GGTA1: variants seen among roughly 807,000 people sequenced by gnomAD.
The protein encoded by GGTA1 is glycoprotein alpha-galactosyltransferase 1 (inactive).
A neutral mutation model predicts 2.6 loss-of-function variants in GGTA1; 5 were observed. The observed-to-expected ratio is 1.92, with a 90% CI of 1.00 to 4.04. GGTA1 has a LOEUF of 4.04. Ranked by LOEUF, GGTA1 falls within the 30% of genes most tolerant of loss-of-function variation. The pLI is 0.00. For missense variants in GGTA1, 50 were observed against 16.7 expected, an observed-to-expected ratio of 2.99 and a Z score of -3.47; for synonymous variants, 17 against 5.0, an observed-to-expected ratio of 3.38 and a Z score of -3.19.
At chr9:121,463,378 GAA>G (rs1301528523) in intron 2 of GGTA1, 50 bp from the exon 3 acceptor site, 1 of 446,814 alleles carries the variant, frequency 2.2e-6, no homozygotes, top group Non-Finnish European at 4.5e-6. Flanking sequence ...TTAATTCTGA[GAA>G]AGGCGATTTT....
chr9:121,456,890 T>G (rs898128564), intron 5 of GGTA1, among the ~76,000 whole-genome samples: 3 of 152,186 alleles, frequency 2.0e-5, no homozygotes, highest in Admixed American at 2.0e-4. Flanking sequence ...CAGGCTAGTC[T>G]TGAACTTCTG....
intron 1 of GGTA1, among the ~76,000 whole-genome samples, chr9:121,481,368 G>A (rs1313673335): frequency 6.6e-6 from 1 of 151,934 alleles, no homozygotes; most frequent in Non-Finnish European, 1.5e-5. Context: ...CACACTGGAT[G>A]ATTCCATTTA....
At position 121,494,922 on chromosome 9, in the gene GGTA1, C is replaced by CTTTTT. The variant is rs66772492; in HGVS notation, c.-10+4723_-10+4727dup. The CTTTTT allele has an allele frequency of 9.8e-4, 112 of 114,058 alleles. 5 individuals carry two copies. The highest frequency in any genetic ancestry group is 3.1e-3 in the East Asian group (12 of 3,822). 7.1% of individuals were successfully genotyped at this position (114,058 alleles called of 1,614,324 possible). A position where few individuals can be genotyped will look rare whatever the true frequency, so the allele number is the denominator to read the frequency against. On this transcript the variant is annotated intron_variant, in intron 1 of 5. Coordinates refer to ENST00000481799, the MANE Select transcript of GGTA1 (RefSeq NM_001382585.1). ...GCGCATGGACCAAATCTACATCATT[C>CTTTTT]TTTTTTTTTTTTTTTTTTTTGAGAC...
chr9:121,474,829 T>TTTCCGCAGG (rs1343178564), intron 1 of GGTA1, among the ~76,000 whole-genome samples: 1 of 147,994 alleles, frequency 6.8e-6, no homozygotes, highest in Non-Finnish European at 1.5e-5. Context: ...AACCAAGCCT[T>TTTCCGCAGG]CTCCGCAGGC....
chr9:121,474,537 A>G (rs1332788057), intron 1 of GGTA1, among the ~76,000 whole-genome samples: 1 of 152,058 alleles, frequency 6.6e-6, no homozygotes, highest in African/African-American at 2.4e-5. Context: ...CATATGGCCT[A>G]TAAGTGAATT....
intron 1 of GGTA1, among the ~76,000 whole-genome samples, chr9:121,477,340 C>G (rs1456513547): frequency 1.3e-5 from 2 of 152,194 alleles, no homozygotes; most frequent in African/African-American, 4.8e-5. Flanking sequence ...TTCTAGAAAA[C>G]TGTTGTCAGA....
chr9:121,485,551 T>C (rs1407022795), intron 1 of GGTA1, among the ~76,000 whole-genome samples: 1 of 152,182 alleles, frequency 6.6e-6, no homozygotes, highest in Non-Finnish European at 1.5e-5. Flanking sequence ...TAGTCAGTGC[T>C]GAGTGGATGG....
intron 1 of GGTA1, among the ~76,000 whole-genome samples, chr9:121,497,896 A>G (rs1355828861): frequency 6.6e-6 from 1 of 152,030 alleles, no homozygotes; most frequent in East Asian, 1.9e-4. Flanking sequence ...AGCTGGGGAA[A>G]TGGCTGCTCA....
rs573726998 is a variant in GGTA1, at chr9:121,460,089, C to T, written c.298+15G>A. 3.4e-4 allele frequency: 153 copies of T among 456,586 alleles called. 2 individuals are homozygous for T. In the Admixed American group the frequency reaches 3.4e-3, roughly 10 times the overall value. The allele number at this position is 456,586 out of a possible 1,614,324, so 28.3% of individuals were successfully genotyped here. ...CATGGATTTGCTGCACAGGGAGTGA[C>T]GCCGCTTTTCTTACTTTGGATTAAA... On this transcript the variant is annotated intron_variant, in intron 5 of 5. Coordinates refer to ENST00000481799, the MANE Select transcript of GGTA1 (RefSeq NM_001382585.1).
intron 1 of GGTA1, among the ~76,000 whole-genome samples, chr9:121,482,083 T>C (rs1042777833): frequency 3.3e-5 from 5 of 151,722 alleles, no homozygotes; most frequent in African/African-American, 1.2e-4. Flanking sequence ...CTTTCCCCGC[T>C]AGGGCCACAG....
intron 5 of GGTA1, among the ~76,000 whole-genome samples, chr9:121,458,533 G>T (rs907898233): frequency 1.4e-4 from 22 of 151,872 alleles, no homozygotes; most frequent in Middle Eastern, 3.4e-3. Flanking sequence ...AGGCTGAGGC[G>T]GGAGGATCAC....
chr9:121,496,473 G>T (rs181300743), intron 1 of GGTA1, among the ~76,000 whole-genome samples: 76 of 152,100 alleles, frequency 5.0e-4, no homozygotes, highest in Non-Finnish European at 9.1e-4. Flanking sequence ...GCTCACACCT[G>T]CAATCCCATC....
intron 1 of GGTA1, among the ~76,000 whole-genome samples, chr9:121,487,905 G>T (rs1175272560): frequency 6.6e-6 from 1 of 151,960 alleles, no homozygotes; most frequent in East Asian, 2.0e-4. Context: ...TAGCAGAGAT[G>T]GTGTTTCACC....
chr9:121,463,313 G>T lies in GGTA1; in HGVS notation c.96C>A (p.Phe32Leu). 1 of 452,148 alleles carries T rather than the reference G, an allele frequency of 2.2e-6. No individual in the cohort carries two copies. Among genetic ancestry groups the T allele is most frequent in the South Asian group, 1.6e-5 (1 of 63,410 alleles). The allele number at this position is 452,148 out of a possible 1,614,324, so 28.0% of individuals were successfully genotyped here. ...WEFINSTEGS[F>L]LWIYHSKNPE... ...CTTACTTTGAGTGATATATCCACAA[G>T]AAAGAGCCTTCTGTGCTAAAAGCAA... Residue 32 changes from phenylalanine (F) to leucine (L), a missense_variant, in exon 3 of 6, where the codon TTC becomes TTA. Phe to Leu is a conservative substitution (Grantham distance 22, BLOSUM62 0). Transcript: ENST00000481799.
chr9:121,479,242 C>T (rs1373460084), intron 1 of GGTA1: 2 of 395,418 alleles, frequency 5.1e-6, no homozygotes, highest in South Asian at 1.8e-5. Context: ...CGCTTTCACC[C>T]CAGAGTAAAA....
rs114060696 is a variant in GGTA1 at position 121,474,961 on chromosome 9, C to T, written c.-9-7030G>A. Among the ~76,000 whole-genome samples, 706 of 152,250 alleles carry T rather than the reference C, an allele frequency of 4.6e-3. 6 individuals are homozygous for T. The highest frequency in any genetic ancestry group is 0.016 in the African/African-American group (664 of 41,550). On this transcript the variant is annotated intron_variant, in intron 1 of 5. Coordinates refer to ENST00000481799, the MANE Select transcript of GGTA1 (RefSeq NM_001382585.1). ...GGGTCCAGACTGGCACAGGCCCTGGCTCCCAGTAGGAGCATCCCAAGTGTC... is the reference window on the plus strand; with the variant it reads ...GGGTCCAGACTGGCACAGGCCCTGGTTCCCAGTAGGAGCATCCCAAGTGTC...
chr9:121,472,651 G>C (rs2118709466), intron 1 of GGTA1, among the ~76,000 whole-genome samples: 1 of 152,338 alleles, frequency 6.6e-6, no homozygotes, highest in South Asian at 2.1e-4. Flanking sequence ...TCAGAAGTGG[G>C]ATGTGACTTT....
chr9:121,484,530 T>G (rs1298665146), intron 1 of GGTA1, among the ~76,000 whole-genome samples: 1 of 152,164 alleles, frequency 6.6e-6, no homozygotes, highest in African/African-American at 2.4e-5. Context: ...GTGATCCACC[T>G]GCCTCAGCCT....
chr9:121,478,609 G>T (rs1015006814), intron 1 of GGTA1, among the ~76,000 whole-genome samples: 4 of 152,194 alleles, frequency 2.6e-5, no homozygotes, highest in African/African-American at 9.7e-5. Flanking sequence ...GGAAGCAGGG[G>T]AAGTGCATGG....
Sources: allele counts gnomAD v4.1 joint callset (sites outside exome capture counted in the v4.1 genomes callset), GRCh38; gene constraint gnomAD v4.1.1; transcripts MANE v1.5; gene names NCBI Gene and HGNC (gene_info 2026-07-23, HGNC 2026-07-21).